NSD3: variants seen among roughly 807,000 people sequenced by gnomAD.
The protein encoded by NSD3 is nuclear receptor binding SET domain protein 3.
In NSD3, 24 loss-of-function variants were observed where a neutral mutation model predicts 160.8. The observed-to-expected ratio is 0.15, with a 90% CI of 0.11 to 0.21. NSD3 has a LOEUF of 0.21. Ranked by LOEUF, NSD3 falls within the 10% of genes least tolerant of loss-of-function variation. NSD3 has a pLI of 1.00. For missense variants in NSD3, 1,157 were observed against 1,735.9 expected (o/e 0.67, Z 5.93); for synonymous variants, 520 against 600.0 (o/e 0.87, Z 1.95).
chr8:38,374,438 C>A (rs1052474651), intron 1 of NSD3, among the ~76,000 whole-genome samples: 2 of 151,938 alleles, frequency 1.3e-5, no homozygotes, highest in Non-Finnish European at 2.9e-5. Flanking sequence ...AAAATCAGGA[C>A]ACACACAGTC....
At chr8:38,304,876 A>T (rs1255669966) in intron 13 of NSD3, 119 bp from the exon 14 acceptor site, 1 of 1,075,454 alleles carries the variant, frequency 9.3e-7, no homozygotes, top group Non-Finnish European at 1.3e-6. Context: ...GATGGAAAGC[A>T]TTTTTTTCTT....
At chr8:38,281,625 T>C (rs1808736746) in intron 19 of NSD3, 42 bp from the exon 20 acceptor site, 1 of 1,379,720 alleles carries the variant, frequency 7.2e-7, no homozygotes, top group Admixed American at 1.9e-5. Context: ...ATCAGTGTAT[T>C]ATATAAAGCA....
rs1285502654 is a variant in NSD3 at position 38,329,156 on chromosome 8, A to T, written c.1581+222T>A. ...AATTTTGGCTGCACAGCTCAAGACT[A>T]ATCTACTACAGATGGGAAAATCACA... On this transcript the variant is annotated intron_variant, in intron 6 of 23. Coordinates refer to ENST00000317025, the MANE Select transcript of NSD3 (RefSeq NM_023034.2). This position sits in a 1 kb window ranked among gnomAD's most constrained non-coding sequence, Gnocchi z 4.8. Among the ~76,000 whole-genome samples, 1 of 152,224 alleles carries T rather than the reference A, an allele frequency of 6.6e-6. No individual in the cohort carries two copies. Among genetic ancestry groups the T allele is most frequent in the Non-Finnish European group, 1.5e-5 (1 of 68,046 alleles).
chr8:38,341,585 G>T (rs1190230850), intron 2 of NSD3, among the ~76,000 whole-genome samples: 1 of 151,078 alleles, frequency 6.6e-6, no homozygotes, highest in Non-Finnish European at 1.5e-5. Context: ...AAAGGACGAA[G>T]AATTAGCTTA....
Position 38,317,987 on chromosome 8 carries a change from A to T in NSD3, c.1855+908T>A. ...CACAGTTTCCTCAATCGCTGCGGAG[A>T]CGGAGCTGTCACTGAATCTGACAGA... On this transcript the variant is annotated intron_variant, in intron 9 of 23. Transcript: ENST00000317025. This position sits in a 1 kb window ranked among gnomAD's most constrained non-coding sequence, Gnocchi z 5.3. 6.2e-7 allele frequency: 1 copy of T among 1,614,172 alleles called. No homozygotes were observed. The highest frequency in any genetic ancestry group is 8.5e-7 in the Non-Finnish European group (1 of 1,180,050).
chr8:38,331,601 C>A lies in NSD3; in HGVS notation c.911-16G>T. The A allele has an allele frequency of 6.2e-7, 1 of 1,608,128 alleles. No homozygotes were observed. Among genetic ancestry groups the A allele is most frequent in the Non-Finnish European group, 8.5e-7 (1 of 1,178,302 alleles). On this transcript the variant is annotated splice_polypyrimidine_tract_variant and intron_variant, in intron 4 of 23. Coordinates refer to ENST00000317025, the MANE Select transcript of NSD3 (RefSeq NM_023034.2). ...TCTCGGGCACCTGTAAGTAAAAATTCTTATTAACCATTTCAGAACATAAGC... is the reference window on the plus strand; with the variant it reads ...TCTCGGGCACCTGTAAGTAAAAATTATTATTAACCATTTCAGAACATAAGC...
In NSD3 at chr8:38,318,348, G is replaced by GAT. The variant is rs1563353094; in HGVS notation, c.1855+545_1855+546dup. ...AGTCAAATTGCACACAGAAAATACAGATATAAGTTTAAGCTTTCTTAAACT... is the reference window on the plus strand; with the variant it reads ...AGTCAAATTGCACACAGAAAATACAGATATATAAGTTTAAGCTTTCTTAAACT... On this transcript the variant is annotated intron_variant, in intron 9 of 23. Transcript: ENST00000317025. The surrounding 1 kb of genome is among the most constrained non-coding windows in gnomAD (Gnocchi z 5.3). Among the ~76,000 whole-genome samples the GAT allele has an allele frequency of 6.6e-6, 1 of 152,162 alleles. No individual in the cohort carries two copies. Among genetic ancestry groups the GAT allele is most frequent in the African/African-American group, 2.4e-5 (1 of 41,436 alleles).
Position 38,351,571 on chromosome 8 carries a change from G to A in NSD3, c.-44-3356C>T, listed in dbSNP as rs1810701604. 3.3e-5 allele frequency among the ~76,000 whole-genome samples: 5 copies of A among 151,424 alleles called. No individual in the cohort carries two copies. In the South Asian group the frequency reaches 1.0e-3, roughly 32 times the overall value. On this transcript the variant is annotated intron_variant, in intron 1 of 23. Transcript: ENST00000317025. ...CCAGCTACTTGGGAGGCTGAGGCAG[G>A]AGAATTGTTTGAACCCAGGAGGCAG...
At chr8:38,324,077 T>C (rs1809852185) in intron 7 of NSD3, among the ~76,000 whole-genome samples, 1 of 152,202 alleles carries the variant, frequency 6.6e-6, no homozygotes, top group South Asian at 2.1e-4. Flanking sequence ...GGCCAAAAGA[T>C]TCTTTTAATA....
Position 38,281,457 on chromosome 8 carries a change from G to T in NSD3, c.3618+10C>A. 1.5e-6 allele frequency: 2 copies of T among 1,341,530 alleles called. No homozygotes were observed. Among genetic ancestry groups the T allele is most frequent in the African/African-American group, 1.5e-5 (1 of 66,274 alleles). 83.1% of individuals were successfully genotyped at this position (1,341,530 alleles called of 1,614,324 possible). ...TCCCTTTTTCTTACAAAAAAAAAAA[G>T]CAATTTTACCTTGGTAACAGTTAAC... On this transcript the variant is annotated intron_variant, in intron 20 of 23. Coordinates refer to ENST00000317025, the MANE Select transcript of NSD3 (RefSeq NM_023034.2).
chr8:38,371,220 C>T (rs1811237322), intron 1 of NSD3, among the ~76,000 whole-genome samples: 1 of 151,996 alleles, frequency 6.6e-6, no homozygotes, highest in Non-Finnish European at 1.5e-5. Context: ...ATAGTAGTTA[C>T]TTCTAACTAG....
intron 16 of NSD3, among the ~76,000 whole-genome samples, chr8:38,295,098 C>T (rs541409402): frequency 5.2e-4 from 76 of 145,368 alleles, no homozygotes; most frequent in African/African-American, 1.7e-3. Flanking sequence ...GAGCCAAGAT[C>T]GCGCAACTGC....
chr8:38,317,558 A>C lies in NSD3; in HGVS notation c.1855+1337T>G. 1.9e-6 allele frequency: 2 copies of C among 1,070,738 alleles called. No individual in the cohort carries two copies. Among genetic ancestry groups the C allele is most frequent in the Non-Finnish European group, 2.3e-6 (2 of 882,482 alleles). 66.3% of individuals were successfully genotyped at this position (1,070,738 alleles called of 1,614,324 possible). A position where few individuals can be genotyped will look rare whatever the true frequency, so the allele number is the denominator to read the frequency against. The stretch of plus-strand genomic sequence containing the variant: ...TGCTGTTCTCCATGATAACGGCACT[A>C]ATATTAAAAAAAATAAGAACTTTTA... On this transcript the variant is annotated intron_variant, in intron 9 of 23. Coordinates refer to ENST00000317025, the MANE Select transcript of NSD3 (RefSeq NM_023034.2). This position sits in a 1 kb window ranked among gnomAD's most constrained non-coding sequence, Gnocchi z 5.3.
intron 1 of NSD3, among the ~76,000 whole-genome samples, chr8:38,351,288 G>C (rs1810694157): frequency 6.6e-6 from 1 of 151,414 alleles, no homozygotes; most frequent in Non-Finnish European, 1.5e-5. Context: ...CTTCTAGAAA[G>C]TTCTAAAGCA....
At position 38,272,835 on chromosome 8, in the gene NSD3, G is replaced by C. The variant is rs1170333071; in HGVS notation, c.*2806C>G. 6.6e-6 allele frequency: 1 copy of C among 152,122 alleles called. No homozygotes were observed. Among genetic ancestry groups the C allele is most frequent in the Non-Finnish European group, 1.5e-5 (1 of 68,026 alleles). The allele number at this position is 152,122 out of a possible 1,614,324, so 9.4% of individuals were successfully genotyped here. On this transcript the variant is annotated 3_prime_UTR_variant, in exon 24 of 24. Transcript: ENST00000317025. ...GGAATATTTCATTGGTGTATCACAG[G>C]CACAGTGCATGTATACTCATGCACA...
chr8:38,286,728 C>G (rs1326529983), intron 19 of NSD3, among the ~76,000 whole-genome samples: 1 of 152,220 alleles, frequency 6.6e-6, no homozygotes, highest in African/African-American at 2.4e-5. Context: ...CGCAGCTCCT[C>G]TCTTTCCTCT....
intron 1 of NSD3, among the ~76,000 whole-genome samples, chr8:38,358,291 T>G (rs1188435327): frequency 1.3e-5 from 2 of 151,892 alleles, no homozygotes; most frequent in Non-Finnish European, 2.9e-5. Flanking sequence ...TAGAAAAAAA[T>G]GGTGGAATAT....
intron 1 of NSD3, among the ~76,000 whole-genome samples, chr8:38,356,324 A>G (rs945158569): frequency 7.2e-5 from 11 of 152,186 alleles, no homozygotes; most frequent in African/African-American, 2.7e-4. Context: ...TTATTTACCA[A>G]CTTATTCATG....
intron 14 of NSD3, 46 bp from the exon 15 acceptor site, chr8:38,299,636 A>G (rs1195034512): frequency 6.8e-7 from 1 of 1,471,742 alleles, no homozygotes. Flanking sequence ...GAAACTACCC[A>G]TGATTCCATG....
Sources: gnomAD v4.1 joint callset for allele counts (sites outside exome capture counted in the v4.1 genomes callset) on GRCh38, gnomAD v4.1.1 for gene constraint, Gnocchi (gnomAD v3.1) non-coding constraint, MANE v1.5 for transcripts, NCBI Gene and HGNC (gene_info 2026-07-23, HGNC 2026-07-21) for gene names.